The following KCNIP4 variants were observed in gnomAD, a reference collection of about 807,000 sequenced individuals.
The protein encoded by KCNIP4 is Kv channel-interacting protein 4.
In KCNIP4, 12 loss-of-function variants were observed where a neutral mutation model predicts 34.0. The ratio of observed to expected loss-of-function variants is 0.35; its 90% CI spans 0.23 to 0.57. The LOEUF is 0.57. KCNIP4 is among the 20% of genes least tolerant of loss of function. The pLI, the probability that KCNIP4 is intolerant of heterozygous loss-of-function variation, is 0.83. For synonymous variants in KCNIP4, 124 were observed against 102.2 expected, an observed-to-expected ratio of 1.21 and a Z score of -1.29; for missense variants, 238 against 311.7, an observed-to-expected ratio of 0.76 and a Z score of 1.78.
At chr4:21,734,766 C>A (rs1441902202) in intron 1 of KCNIP4, among the ~76,000 whole-genome samples, 3 of 152,010 alleles carry the variant, frequency 2.0e-5, no homozygotes, top group African/African-American at 4.8e-5. Context: ...CAATCCAGGT[C>A]TTGAATGTAC....
At chr4:21,546,768 T>G (rs1738185642) in intron 1 of KCNIP4, among the ~76,000 whole-genome samples, 1 of 152,058 alleles carries the variant, frequency 6.6e-6, no homozygotes, top group African/African-American at 2.4e-5. Flanking sequence ...CATTAACATA[T>G]CATTATAATG....
At chr4:21,657,950 C>T (rs887267949) in intron 1 of KCNIP4, among the ~76,000 whole-genome samples, 3 of 151,952 alleles carry the variant, frequency 2.0e-5, no homozygotes, top group Non-Finnish European at 2.9e-5. Context: ...AGCAATTCTC[C>T]TGCCTCAGCT....
intron 1 of KCNIP4, among the ~76,000 whole-genome samples, chr4:21,243,543 G>T (rs1759997778): frequency 2.0e-5 from 3 of 152,166 alleles, no homozygotes; most frequent in Admixed American, 2.0e-4. Flanking sequence ...GCATTAGAAT[G>T]GGGCATGGAG....
At chr4:21,012,856 A>C (rs932305927) in intron 1 of KCNIP4, among the ~76,000 whole-genome samples, 2 of 152,222 alleles carry the variant, frequency 1.3e-5, no homozygotes. Flanking sequence ...CCAGTTGGCC[A>C]TGATCTTAAC....
At chr4:21,397,936 TCTTA>T (rs1723145522) in intron 1 of KCNIP4, among the ~76,000 whole-genome samples, 2 of 152,282 alleles carry the variant, frequency 1.3e-5, no homozygotes, top group Middle Eastern at 3.4e-3. Context: ...TCTCGTCAGC[TCTTA>T]CTTAAGCAAT....
chr4:21,735,543 G>A (rs1715928452), intron 1 of KCNIP4, among the ~76,000 whole-genome samples: 1 of 152,154 alleles, frequency 6.6e-6, no homozygotes. Context: ...CACATTGGCA[G>A]CCTAAAATTT....
At chr4:20,969,308 A>C (rs1455446308) in intron 1 of KCNIP4, among the ~76,000 whole-genome samples, 1 of 152,168 alleles carries the variant, frequency 6.6e-6, no homozygotes, top group Non-Finnish European at 1.5e-5. Context: ...CTTACAGAAA[A>C]TTAAAATTCC....
chr4:21,488,455 G>A (rs1362168123), intron 1 of KCNIP4, among the ~76,000 whole-genome samples: 2 of 151,732 alleles, frequency 1.3e-5, no homozygotes, highest in Non-Finnish European at 2.9e-5. Flanking sequence ...CTTAAGCCTG[G>A]GAGAAATTTT....
At chr4:21,633,210 G>C (rs1745885635) in intron 1 of KCNIP4, among the ~76,000 whole-genome samples, 1 of 152,128 alleles carries the variant, frequency 6.6e-6, no homozygotes, top group African/African-American at 2.4e-5. Flanking sequence ...TGTTTACCTA[G>C]CTAGTAGACA....
intron 1 of KCNIP4, among the ~76,000 whole-genome samples, chr4:21,600,717 C>T (rs911887892): frequency 1.2e-4 from 18 of 152,082 alleles, no homozygotes; most frequent in Non-Finnish European, 2.1e-4. Flanking sequence ...ACAACACTTT[C>T]GATTTCCCCA....
chr4:21,538,028 A>T (rs1737350106), intron 1 of KCNIP4, among the ~76,000 whole-genome samples: 3 of 150,874 alleles, frequency 2.0e-5, no homozygotes, highest in Non-Finnish European at 4.4e-5. Flanking sequence ...AAAAAAAAAA[A>T]AAAAAAAAAA....
chr4:20,978,901 T>C (rs1208900719), intron 1 of KCNIP4, among the ~76,000 whole-genome samples: 6 of 152,146 alleles, frequency 3.9e-5, no homozygotes, highest in Admixed American at 3.9e-4. Context: ...CTGTAGACAA[T>C]CAATAAATAT....
intron 1 of KCNIP4, among the ~76,000 whole-genome samples, chr4:21,361,314 A>G (rs1208386343): frequency 6.6e-6 from 1 of 152,132 alleles, no homozygotes; most frequent in Non-Finnish European, 1.5e-5. Context: ...TAATGAAATC[A>G]TAATGATTAC....
At chr4:21,567,285 T>C (rs1739970338) in intron 1 of KCNIP4, among the ~76,000 whole-genome samples, 1 of 152,068 alleles carries the variant, frequency 6.6e-6, no homozygotes, top group Non-Finnish European at 1.5e-5. Context: ...CACATACCTA[T>C]ATTTTTTCCT....
At position 20,821,053 on chromosome 4, in the gene KCNIP4, A is replaced by T. The variant is rs376848517; in HGVS notation, c.288+29490T>A. Among the ~76,000 whole-genome samples the T allele has an allele frequency of 8.5e-5, 13 of 152,266 alleles. No homozygotes were observed. The South Asian group carries it at 2.7e-3, about 32-fold the overall frequency. On this transcript the variant is annotated intron_variant, in intron 3 of 8. Coordinates refer to ENST00000382152, the MANE Select transcript of KCNIP4 (RefSeq NM_025221.6). ...CCACAGTGGTGGGGCCACCTCACAG[A>T]GCCTCTACTAGGGTAATGCCTGATA...
intron 1 of KCNIP4, among the ~76,000 whole-genome samples, chr4:21,037,044 A>G (rs1402599699): frequency 6.6e-6 from 1 of 152,152 alleles, no homozygotes; most frequent in African/African-American, 2.4e-5. Flanking sequence ...TGAAAAAAAA[A>G]TACAATAAGA....
intron 1 of KCNIP4, among the ~76,000 whole-genome samples, chr4:21,866,647 C>T (rs932912667): frequency 6.6e-6 from 1 of 151,426 alleles, no homozygotes. Flanking sequence ...TCGACAATGA[C>T]AACAAAGTAC....
intron 1 of KCNIP4, among the ~76,000 whole-genome samples, chr4:21,261,312 G>A (rs908961273): frequency 6.6e-6 from 1 of 151,846 alleles, no homozygotes; most frequent in Non-Finnish European, 1.5e-5. Flanking sequence ...GGGAGAAAAG[G>A]GGATACTTTT....
At chr4:20,905,522 T>TTTTTTGTTTG (rs768668990) in intron 1 of KCNIP4, among the ~76,000 whole-genome samples, 2 of 111,188 alleles carry the variant, frequency 1.8e-5, no homozygotes, top group African/African-American at 6.3e-5. Context: ...TTTTTTTTTT[T>TTTTTTGTTTG]TTTGTTTGAG....
Sources: allele counts gnomAD v4.1 joint callset (sites outside exome capture counted in the v4.1 genomes callset), GRCh38; gene constraint gnomAD v4.1.1; transcripts MANE v1.5; gene names NCBI Gene and HGNC (gene_info 2026-07-23, HGNC 2026-07-21).